Variants in KIF5C observed in about 807,000 individuals in gnomAD.
KIF5C encodes kinesin heavy chain isoform 5C.
KIF5C carries 18 observed loss-of-function variants against 125.2 expected under a neutral mutation model. The observed-to-expected ratio is 0.14, with a 90% CI of 0.10 to 0.21. The LOEUF is 0.21. Among genes scored for constraint, KIF5C ranks in the 10% least tolerant of loss-of-function variants. KIF5C has a pLI of 1.00. For synonymous variants in KIF5C, 405 were observed against 434.0 expected (o/e 0.93, Z 0.83); for missense variants, 780 against 1,183.8 (o/e 0.66, Z 5.01).
intron 19 of KIF5C, 72 bp from the exon 20 acceptor site, chr2:149,000,350 AC>A (rs1446112995): frequency 1.3e-6 from 2 of 1,520,554 alleles, no homozygotes; most frequent in East Asian, 5.0e-5. Context: ...TTGGAACAGA[AC>A]CACGGTTTTA....
At chr2:148,952,874 C>T (rs965611583) in intron 10 of KIF5C, among the ~76,000 whole-genome samples, 1 of 152,158 alleles carries the variant, frequency 6.6e-6, no homozygotes, top group Non-Finnish European at 1.5e-5. Context: ...TAAATAATCT[C>T]ACAGTATTGC....
In KIF5C at chr2:148,973,454, GGAGA is replaced by G; in HGVS notation, c.1237_1240del (p.Glu413LysfsTer32). On this transcript the variant is annotated frameshift_variant, in exon 12 of 26. Coordinates refer to ENST00000435030, the MANE Select transcript of KIF5C (RefSeq NM_004522.3). LOFTEE classifies it high-confidence loss of function. ...CTGTTGTTGCTGGCATCTCTACAGA[GGAGA>G]AAGAGAAGTACGATGAGGAGATCTC... is the stretch of plus-strand genomic sequence containing the variant. 6.2e-7 allele frequency: 1 copy of G among 1,613,480 alleles called. No homozygotes were observed.
intron 19 of KIF5C, chr2:149,000,072 C>T: frequency 5.2e-6 from 1 of 192,422 alleles, no homozygotes; most frequent in Non-Finnish European, 1.1e-5. Context: ...CAAGTGACTG[C>T]ATGCCATCCG....
chr2:148,956,068 A>G (rs1189761104), intron 10 of KIF5C, among the ~76,000 whole-genome samples: 1 of 152,196 alleles, frequency 6.6e-6, no homozygotes, highest in Non-Finnish European at 1.5e-5. Context: ...ACCACTGGGA[A>G]AGCAGGTGGG....
intron 11 of KIF5C, among the ~76,000 whole-genome samples, chr2:148,968,861 T>C (rs1680819301): frequency 6.6e-6 from 1 of 152,206 alleles, no homozygotes; most frequent in Non-Finnish European, 1.5e-5. Flanking sequence ...TTTAGTTTCT[T>C]TGATACAGAA....
chr2:148,935,577 A>C (rs1682274060), intron 3 of KIF5C, among the ~76,000 whole-genome samples: 1 of 152,204 alleles, frequency 6.6e-6, no homozygotes, highest in Non-Finnish European at 1.5e-5. Flanking sequence ...TGTACAGTTT[A>C]AAAGTTATCA....
intron 1 of KIF5C, among the ~76,000 whole-genome samples, chr2:148,882,351 G>T (rs74814624): frequency 1.3e-5 from 2 of 152,158 alleles, no homozygotes; most frequent in Admixed American, 1.3e-4. Context: ...TCCACGGCAG[G>T]CATCCAGATA....
At chr2:148,945,786 A>T (rs1682507572) in intron 7 of KIF5C, among the ~76,000 whole-genome samples, 1 of 151,966 alleles carries the variant, frequency 6.6e-6, no homozygotes, top group Non-Finnish European at 1.5e-5. Context: ...ATTTTTCAAG[A>T]TTGTTTAGGC....
At chr2:148,915,433 G>A (rs61132722) in intron 1 of KIF5C, among the ~76,000 whole-genome samples, 8 of 152,312 alleles carry the variant, frequency 5.3e-5, no homozygotes, top group Admixed American at 3.3e-4. Flanking sequence ...ATGTGGCCCC[G>A]TGGGACCATT....
At chr2:148,947,291 T>A (rs887013768) in intron 8 of KIF5C, 1 of 401,392 alleles carries the variant, frequency 2.5e-6, no homozygotes, top group Non-Finnish European at 4.4e-6. Context: ...AGGCAACAGT[T>A]GGTTTGACTT....
At position 149,015,086 on chromosome 2, in the gene KIF5C, G is replaced by A. The variant is rs563151532; in HGVS notation, c.*7+3403G>A. On this transcript the variant is annotated intron_variant, in intron 25 of 25. Transcript: ENST00000435030. ...CACCTGTAACCCTAGCTACTTGGGAGGTTGAAGTGGAGAATTGCTTGAACC... is the reference window on the plus strand; with the variant it reads ...CACCTGTAACCCTAGCTACTTGGGAAGTTGAAGTGGAGAATTGCTTGAACC... Among the ~76,000 whole-genome samples the A allele has an allele frequency of 1.4e-4, 21 of 152,292 alleles. 1 individual carries two copies. In the South Asian group the frequency reaches 3.9e-3, roughly 29 times the overall value.
In KIF5C at chr2:148,875,463, A is replaced by T; in HGVS notation, c.-155A>T. 1 of 628,208 alleles carries T rather than the reference A, an allele frequency of 1.6e-6. No individual in the cohort carries two copies. 38.9% of individuals were successfully genotyped at this position (628,208 alleles called of 1,614,324 possible). On this transcript the variant is annotated 5_prime_UTR_variant, in exon 1 of 26. Transcript: ENST00000435030. ...GGGCTCGGAGCGGCCGGGGCTGCTC[A>T]GCCGGCCGGGCTCGCGATGACCTGC...
rs1012823248 is a variant in KIF5C at position 148,943,443 on chromosome 2, T to A, written c.589+683T>A. Among the ~76,000 whole-genome samples the A allele has an allele frequency of 2.0e-5, 3 of 151,988 alleles. 1 individual carries two copies. Among genetic ancestry groups the A allele is most frequent in the African/African-American group, 7.3e-5 (3 of 41,378 alleles). ...AGGGATGTGGACAAATGACAGTGAG[T>A]TCATATGAACAGAAGCTGAGAGAAC... On this transcript the variant is annotated intron_variant, in intron 7 of 25. Transcript: ENST00000435030.
At chr2:148,911,931 CT>C (rs1297810690) in intron 1 of KIF5C, among the ~76,000 whole-genome samples, 1 of 152,162 alleles carries the variant, frequency 6.6e-6, no homozygotes, top group Non-Finnish European at 1.5e-5. Flanking sequence ...CCTCATCACA[CT>C]GATTTTTCCT....
intron 25 of KIF5C, among the ~76,000 whole-genome samples, chr2:149,019,018 A>G (rs1468148381): frequency 6.6e-6 from 1 of 152,262 alleles, no homozygotes; most frequent in East Asian, 1.9e-4. Flanking sequence ...CTATTTTCAA[A>G]ACAAAAAATA....
intron 12 of KIF5C, among the ~76,000 whole-genome samples, chr2:148,976,103 G>A (rs1681057593): frequency 1.3e-5 from 2 of 152,114 alleles, no homozygotes; most frequent in South Asian, 2.1e-4. Flanking sequence ...CACGAACCAA[G>A]CTTAAGTAGA....
intron 8 of KIF5C, among the ~76,000 whole-genome samples, chr2:148,948,396 TTTAG>T (rs1477470371): frequency 1.3e-5 from 2 of 151,950 alleles, no homozygotes; most frequent in East Asian, 1.9e-4. Flanking sequence ...GGCTTGTAAC[TTTAG>T]TTAAACAGAC....
At chr2:148,972,976 A>C (rs1027459188) in intron 11 of KIF5C, among the ~76,000 whole-genome samples, 1 of 152,144 alleles carries the variant, frequency 6.6e-6, no homozygotes, top group African/African-American at 2.4e-5. Context: ...TTCCTTTTTA[A>C]TCAATCACTA....
intron 3 of KIF5C, among the ~76,000 whole-genome samples, chr2:148,932,474 C>T (rs1252509218): frequency 6.6e-6 from 1 of 152,196 alleles, no homozygotes; most frequent in Non-Finnish European, 1.5e-5. Flanking sequence ...TAATGCTAAG[C>T]TCGGTGGACA....
Sources: allele counts gnomAD v4.1 joint callset (sites outside exome capture counted in the v4.1 genomes callset), GRCh38; gene constraint gnomAD v4.1.1; transcripts MANE v1.5; gene names NCBI Gene and HGNC (gene_info 2026-07-23, HGNC 2026-07-21).